TRAF3IP1: variants seen among roughly 807,000 people sequenced by gnomAD.
TRAF3IP1 encodes intraflagellar transport 54, also known as TRAF3-interacting protein 1.
TRAF3IP1 carries 53 observed loss-of-function variants against 89.9 expected under a neutral mutation model. That is an observed-to-expected ratio of 0.59 (90% CI 0.47 to 0.74). TRAF3IP1 has a LOEUF of 0.74. Ranked by LOEUF, TRAF3IP1 falls within the 30% of genes least tolerant of loss-of-function variation. The probability of loss-of-function intolerance (pLI) is 0.00; values close to 1 mark genes in which losing one functional copy is unlikely to be tolerated. For synonymous variants in TRAF3IP1, 311 were observed against 322.1 expected, an observed-to-expected ratio of 0.97 and a Z score of 0.37; for missense variants, 806 against 866.1, an observed-to-expected ratio of 0.93 and a Z score of 0.87.
At chr2:238,360,927 A>G (rs1699629883) in intron 15 of TRAF3IP1, among the ~76,000 whole-genome samples, 1 of 152,182 alleles carries the variant, frequency 6.6e-6, no homozygotes, top group Admixed American at 6.5e-5. Context: ...TTAATGGCTA[A>G]TGATGTTGAA....
At chr2:238,326,818 G>C (rs1697857502) in intron 3 of TRAF3IP1, among the ~76,000 whole-genome samples, 1 of 152,158 alleles carries the variant, frequency 6.6e-6, no homozygotes, top group African/African-American at 2.4e-5. Context: ...GAGGTGCATA[G>C]TGGTATCAGG....
chr2:238,387,469 A>G (rs529144044), intron 15 of TRAF3IP1, among the ~76,000 whole-genome samples: 2 of 152,344 alleles, frequency 1.3e-5, no homozygotes, highest in East Asian at 3.9e-4. Flanking sequence ...GATAGTGATT[A>G]ATGAAAAATA....
At chr2:238,389,771 A>ATAATAATAG (rs1417641489) in intron 15 of TRAF3IP1, among the ~76,000 whole-genome samples, 2 of 150,250 alleles carry the variant, frequency 1.3e-5, no homozygotes, top group Non-Finnish European at 3.0e-5. Flanking sequence ...AATAATAATA[A>ATAATAATAG]TAATAATAGT....
At chr2:238,340,180 C>T (rs1698574021) in intron 8 of TRAF3IP1, among the ~76,000 whole-genome samples, 1 of 152,186 alleles carries the variant, frequency 6.6e-6, no homozygotes, top group Non-Finnish European at 1.5e-5. Context: ...ACAGCGCGGA[C>T]CTGGGGTCTC....
chr2:238,390,587 GA>G (rs1700952713), intron 15 of TRAF3IP1, among the ~76,000 whole-genome samples: 1 of 152,252 alleles, frequency 6.6e-6, no homozygotes, highest in African/African-American at 2.4e-5. Context: ...CAGTGCACAG[GA>G]AAAAGCACCC....
At position 238,320,524 on chromosome 2, in the gene TRAF3IP1, TGG is replaced by T; in HGVS notation, c.-137_-136del. 1 of 998,660 alleles carries T rather than the reference TGG, an allele frequency of 1.0e-6. No homozygotes were observed. Among genetic ancestry groups the T allele is most frequent in the South Asian group, 4.5e-5 (1 of 22,062 alleles). The allele number at this position is 998,660 out of a possible 1,614,324, so 61.9% of individuals were successfully genotyped here. ...CGCTGTGGTGGGCTCCGGTGCACTG[TGG>T]GATGGAAACCGGAGCGGCGCGTCCT... On this transcript the variant is annotated 5_prime_UTR_variant, in exon 1 of 17. Coordinates refer to ENST00000373327, the MANE Select transcript of TRAF3IP1 (RefSeq NM_015650.4).
In TRAF3IP1 at chr2:238,386,479, A is replaced by C. The variant is rs1700779076; in HGVS notation, c.1690-10980A>C. ...AGGTGTGCGCCACCATGCCTGGCTA[A>C]TTTTTGTATTTTTAGTAGAGACGGG... On this transcript the variant is annotated intron_variant, in intron 15 of 16. Coordinates refer to ENST00000373327, the MANE Select transcript of TRAF3IP1 (RefSeq NM_015650.4). Among the ~76,000 whole-genome samples the C allele has an allele frequency of 2.0e-5, 3 of 151,874 alleles. No individual in the cohort carries two copies. The South Asian group carries it at 6.2e-4, about 32-fold the overall frequency.
In TRAF3IP1 at chr2:238,362,039, A is replaced by G. The variant is rs564090265; in HGVS notation, c.1689+5959A>G. Among the ~76,000 whole-genome samples the G allele has an allele frequency of 2.9e-4, 44 of 151,998 alleles. 1 individual carries two copies. The highest frequency in any genetic ancestry group is 2.1e-4 in the South Asian group (1 of 4,824). On this transcript the variant is annotated intron_variant, in intron 15 of 16. Coordinates refer to ENST00000373327, the MANE Select transcript of TRAF3IP1 (RefSeq NM_015650.4). Reference sequence around the variant, plus strand: ...AGGGTCACCTGACCTCTCAGTTGTTATATCTGCTGGTTATGTCTGTGTCCT... The same window carrying G: ...AGGGTCACCTGACCTCTCAGTTGTTGTATCTGCTGGTTATGTCTGTGTCCT...
intron 8 of TRAF3IP1, among the ~76,000 whole-genome samples, chr2:238,341,638 G>T (rs955054910): frequency 6.6e-6 from 1 of 150,884 alleles, no homozygotes; most frequent in African/African-American, 2.4e-5. Flanking sequence ...TCTTTCAATT[G>T]TATTTATGGG....
chr2:238,343,413 G>A (rs927888055), intron 8 of TRAF3IP1, among the ~76,000 whole-genome samples: 4 of 151,610 alleles, frequency 2.6e-5, no homozygotes, highest in Non-Finnish European at 5.9e-5. Context: ...ACATGATCTC[G>A]CTCTTACATG....
intron 15 of TRAF3IP1, among the ~76,000 whole-genome samples, chr2:238,362,226 G>T (rs1158993415): frequency 6.6e-6 from 1 of 151,478 alleles, no homozygotes; most frequent in African/African-American, 2.4e-5. Flanking sequence ...CCATCTTAAT[G>T]TTATTAGCTG....
rs546990601 is a variant in TRAF3IP1, at chr2:238,332,870, T to C, written c.962T>C (p.Phe321Ser). 1 of 1,613,268 alleles carries C rather than the reference T, an allele frequency of 6.2e-7. No homozygotes were observed. Among genetic ancestry groups the C allele is most frequent in the South Asian group, 1.1e-5 (1 of 90,982 alleles). The change falls in exon 6 of 17, where the codon TTT (phenylalanine) becomes TCT (serine). Residue 321 changes from phenylalanine (F) to serine (S), a missense_variant. Physicochemically the swap from Phe to Ser is radical, Grantham distance 155. Transcript: ENST00000373327. ...TCTAAAAAGTTATCAGATGGAACTT[T>C]TAAAGACTCCAAGGCTGAAACAGAG... ...EMSKKLSDGT[F>S]KDSKAETETE...
At chr2:238,343,046 G>A (rs1193464525) in intron 8 of TRAF3IP1, among the ~76,000 whole-genome samples, 1 of 151,560 alleles carries the variant, frequency 6.6e-6, no homozygotes, top group Middle Eastern at 3.2e-3. Context: ...TCTGGGTCCT[G>A]CTGTAATATA....
At chr2:238,377,709 A>G (rs1218362781) in intron 15 of TRAF3IP1, among the ~76,000 whole-genome samples, 2 of 152,192 alleles carry the variant, frequency 1.3e-5, no homozygotes, top group Non-Finnish European at 1.5e-5. Flanking sequence ...CAAGGTCAAG[A>G]ATGAATTGAG....
chr2:238,330,611 A>G (rs902788776), intron 5 of TRAF3IP1, among the ~76,000 whole-genome samples: 11 of 152,090 alleles, frequency 7.2e-5, no homozygotes, highest in African/African-American at 2.7e-4. Context: ...GTCTTGTGGC[A>G]CTGCGTCTCA....
Position 238,327,027 on chromosome 2 carries a change from G to A in TRAF3IP1, c.354+1057G>A, listed in dbSNP as rs868601281. ...ATCATCTCCGGCTTCCAGTAGCCTCGGGTCTGGGCCAGCTCCATGGCACAG... is the reference window on the plus strand; with the variant it reads ...ATCATCTCCGGCTTCCAGTAGCCTCAGGTCTGGGCCAGCTCCATGGCACAG... On this transcript the variant is annotated intron_variant, in intron 3 of 16. Coordinates refer to ENST00000373327, the MANE Select transcript of TRAF3IP1 (RefSeq NM_015650.4). Among the ~76,000 whole-genome samples, 9 of 152,176 alleles carry A rather than the reference G, an allele frequency of 5.9e-5. No homozygotes were observed. The South Asian group carries it at 6.2e-4, about 11-fold the overall frequency.
intron 5 of TRAF3IP1, 77 bp from the exon 6 acceptor site, chr2:238,332,747 A>G: frequency 8.9e-7 from 1 of 1,119,022 alleles, no homozygotes; most frequent in Non-Finnish European, 1.3e-6. Context: ...TCAGTGTTAT[A>G]GAAAATATCT....
chr2:238,381,134 T>C (rs576669366), intron 15 of TRAF3IP1, among the ~76,000 whole-genome samples: 1 of 139,326 alleles, frequency 7.2e-6, no homozygotes. Flanking sequence ...TAATTATTTA[T>C]TTATTTATTT....
chr2:238,329,033 G>C lies in TRAF3IP1; in HGVS notation c.606G>C (p.Glu202Asp). ...RKPREKDKDK[E>D]KAKENGGNRH... ...CAAGAGAAAAGGACAAGGACAAGGA[G>C]AAGGCCAAGGAGAATGGCGGAAACA... is the stretch of plus-strand genomic sequence containing the variant. Residue 202 changes from glutamate (E) to aspartate (D), a missense_variant, in exon 5 of 17, where the codon GAG (glutamate) becomes GAC (aspartate). Physicochemically the swap from Glu to Asp is conservative, Grantham distance 45. Coordinates refer to ENST00000373327, the MANE Select transcript of TRAF3IP1 (RefSeq NM_015650.4). 6.4e-7 allele frequency: 1 copy of C among 1,551,820 alleles called. No homozygotes were observed. The highest frequency in any genetic ancestry group is 2.4e-5 in the East Asian group (1 of 40,910).
Sources: gnomAD v4.1 joint callset for allele counts (sites outside exome capture counted in the v4.1 genomes callset) on GRCh38, gnomAD v4.1.1 for gene constraint, MANE v1.5 for transcripts, NCBI Gene and HGNC (gene_info 2026-07-23, HGNC 2026-07-21) for gene names.